PAX3: variants seen among roughly 807,000 people sequenced by gnomAD.
PAX3 encodes paired box 3.
Under a neutral mutation model 51.6 loss-of-function variants are expected in PAX3, and 14 were observed. The observed-to-expected ratio is 0.27, with a 90% CI of 0.18 to 0.42. The LOEUF (loss-of-function observed/expected upper bound fraction) is 0.42. Ranked by LOEUF, PAX3 falls within the 10% of genes least tolerant of loss-of-function variation. PAX3 has a pLI of 1.00. For synonymous variants in PAX3, 280 were observed against 253.4 expected (o/e 1.11, Z -1.00); for missense variants, 540 against 642.8 (o/e 0.84, Z 1.73).
At chr2:222,253,971 A>C (rs562848007) in intron 4 of PAX3, among the ~76,000 whole-genome samples, 1 of 152,292 alleles carries the variant, frequency 6.6e-6, no homozygotes, top group East Asian at 1.9e-4. Flanking sequence ...TTTCTCCAAA[A>C]TGTTTCTTTA....
intron 8 of PAX3, 41 bp downstream of exon 8, chr2:222,201,903 C>T (rs199611711): frequency 1.2e-6 from 2 of 1,613,990 alleles, no homozygotes; most frequent in Non-Finnish European, 1.7e-6. Context: ...AGTTTATCTC[C>T]CTTCCAGGAG....
At chr2:222,232,031 T>C in intron 5 of PAX3, 47 bp downstream of exon 5, 4 of 1,558,368 alleles carry the variant, frequency 2.6e-6, no homozygotes, top group Non-Finnish European at 2.7e-6. Flanking sequence ...TGCTTGTTTG[T>C]TTCCTGTCTG....
chr2:222,275,707 A>G (rs977884958), intron 4 of PAX3, among the ~76,000 whole-genome samples: 1 of 152,184 alleles, frequency 6.6e-6, no homozygotes, highest in Non-Finnish European at 1.5e-5. Context: ...AATATAACAA[A>G]AAAAATATTT....
intron 4 of PAX3, among the ~76,000 whole-genome samples, chr2:222,288,468 C>A (rs755394878): frequency 1.3e-5 from 2 of 152,126 alleles, no homozygotes; most frequent in African/African-American, 2.4e-5. Context: ...TATGGAAACA[C>A]GTGTAGAGAG....
chr2:222,255,782 CTTTTT>C (rs71781283), intron 4 of PAX3, among the ~76,000 whole-genome samples: 1 of 136,540 alleles, frequency 7.3e-6, no homozygotes. Context: ...CAATTATATT[CTTTTT>C]TTTTTTTTTT....
chr2:222,295,867 C>G (rs1368491686), intron 2 of PAX3, among the ~76,000 whole-genome samples: 2 of 152,180 alleles, frequency 1.3e-5, no homozygotes, highest in Admixed American at 6.5e-5. Flanking sequence ...GCCTGGGAAG[C>G]CTCTAACTTC....
intron 7 of PAX3, among the ~76,000 whole-genome samples, chr2:222,207,796 C>T (rs902997114): frequency 4.6e-5 from 7 of 151,946 alleles, no homozygotes; most frequent in East Asian, 1.9e-4. Flanking sequence ...AGAGAATTAG[C>T]GCAGAAATGA....
At chr2:222,259,358 C>T (rs982647991) in intron 4 of PAX3, among the ~76,000 whole-genome samples, 6 of 152,200 alleles carry the variant, frequency 3.9e-5, no homozygotes, top group Admixed American at 6.5e-5. Flanking sequence ...AATCACATTG[C>T]TTCTGCCTGT....
intron 4 of PAX3, among the ~76,000 whole-genome samples, chr2:222,256,952 T>G (rs947217876): frequency 2.0e-5 from 3 of 152,216 alleles, no homozygotes; most frequent in African/African-American, 7.2e-5. Context: ...TGAGATAGTT[T>G]TGTACAATAA....
At position 222,202,104 on chromosome 2, in the gene PAX3, T is replaced by C; in HGVS notation, c.1260A>G (p.Glu420=). ...AGCTGGCCGACACCGTGGTGGTAGG[T>C]TCCAGACCCCCGGTGAGAGGGGAGA... ...YALSPLTGGL[E]PTTTVSASCS... Residue 420 remains glutamate (E), a synonymous_variant, in exon 8 of 9, where the codon GAA becomes GAG. Transcript: ENST00000392070. The C allele has an allele frequency of 1.2e-6, 2 of 1,613,872 alleles. No homozygotes were observed. Among genetic ancestry groups the C allele is most frequent in the Non-Finnish European group, 1.7e-6 (2 of 1,179,960 alleles).
chr2:222,252,507 T>C (rs183021270), intron 4 of PAX3, among the ~76,000 whole-genome samples: 2 of 152,328 alleles, frequency 1.3e-5, no homozygotes, highest in Non-Finnish European at 2.9e-5. Flanking sequence ...AGCTTGTGTT[T>C]ATGAATTTTG....
intron 1 of PAX3, among the ~76,000 whole-genome samples, chr2:222,297,475 C>T (rs1397780150): frequency 3.3e-5 from 5 of 152,190 alleles, no homozygotes; most frequent in Non-Finnish European, 7.3e-5. Context: ...AGCGTCTTCC[C>T]CTTCGGGCCC....
At chr2:222,216,721 C>G (rs1443632965) in intron 7 of PAX3, among the ~76,000 whole-genome samples, 1 of 148,652 alleles carries the variant, frequency 6.7e-6, no homozygotes, top group African/African-American at 2.5e-5. Flanking sequence ...CACACACACA[C>G]ACACAGAGAG....
In PAX3 at chr2:222,295,523, A is replaced by G. The variant is rs1397199748; in HGVS notation, c.451+5T>C. 1.9e-6 allele frequency: 3 copies of G among 1,614,194 alleles called. No individual in the cohort carries two copies. Among genetic ancestry groups the G allele is most frequent in the South Asian group, 2.2e-5 (2 of 91,084 alleles). ...GCCTCGGGGAGAGGTTAATGGGCCT[A>G]GTACCTGACGGCACGGTGTTTCGAT... On this transcript the variant is annotated splice_donor_5th_base_variant and intron_variant, in intron 3 of 8. Coordinates refer to ENST00000392070, the MANE Select transcript of PAX3 (RefSeq NM_181458.4).
intron 5 of PAX3, among the ~76,000 whole-genome samples, chr2:222,223,164 C>T (rs1419831769): frequency 6.7e-6 from 1 of 149,540 alleles, no homozygotes; most frequent in East Asian, 2.0e-4. Context: ...GAGGGATTTG[C>T]TCAAACTTTT....
At chr2:222,213,271 C>T (rs898524097) in intron 7 of PAX3, among the ~76,000 whole-genome samples, 2 of 152,138 alleles carry the variant, frequency 1.3e-5, no homozygotes, top group African/African-American at 4.8e-5. Flanking sequence ...CCAGGGCTCT[C>T]CTCATACTCT....
chr2:222,211,304 G>A (rs1386156571), intron 7 of PAX3, among the ~76,000 whole-genome samples: 1 of 152,200 alleles, frequency 6.6e-6, no homozygotes, highest in Non-Finnish European at 1.5e-5. Flanking sequence ...AGAAGGTACA[G>A]AAGAAGCTGA....
At chr2:222,233,212 A>C (rs1055537553) in intron 4 of PAX3, among the ~76,000 whole-genome samples, 1 of 152,102 alleles carries the variant, frequency 6.6e-6, no homozygotes, top group African/African-American at 2.4e-5. Context: ...GAGCAACTGC[A>C]TAAGACAAAA....
intron 7 of PAX3, among the ~76,000 whole-genome samples, chr2:222,218,418 C>T (rs1224619029): frequency 6.6e-6 from 1 of 152,130 alleles, no homozygotes; most frequent in Non-Finnish European, 1.5e-5. Context: ...AGTTTTATTG[C>T]TATTGAATAA....
Sources: allele counts gnomAD v4.1 joint callset (sites outside exome capture counted in the v4.1 genomes callset), GRCh38; gene constraint gnomAD v4.1.1; transcripts MANE v1.5; gene names NCBI Gene and HGNC (gene_info 2026-07-23, HGNC 2026-07-21).